DMXL1: variants seen among roughly 807,000 people sequenced by gnomAD.
The protein encoded by DMXL1 is dmX-like protein 1.
In DMXL1, 99 loss-of-function variants were observed where a neutral mutation model predicts 319.2. The observed-to-expected ratio is 0.31, with a 90% CI of 0.26 to 0.37. The LOEUF (loss-of-function observed/expected upper bound fraction) is 0.37, where lower values mean the gene tolerates loss of function less well. DMXL1 is among the 10% of genes least tolerant of loss of function. The probability of loss-of-function intolerance (pLI) is 1.00; values close to 1 mark genes in which losing one functional copy is unlikely to be tolerated. For missense variants in DMXL1, 3,745 were observed against 3,595.6 expected, an observed-to-expected ratio of 1.04 and a Z score of -1.06; for synonymous variants, 1,385 against 1,235.2, an observed-to-expected ratio of 1.12 and a Z score of -2.54.
At chr5:119,077,787 G>A (rs12658002) in intron 1 of DMXL1, among the ~76,000 whole-genome samples, 40,784 of 136,594 alleles carry the variant, frequency 0.3, 8,083 homozygotes, top group East Asian at 0.91. Context: ...GTGTGTGTGT[G>A]TATATCTGTA....
chr5:119,231,301 G>A (rs1274778939), intron 38 of DMXL1, among the ~76,000 whole-genome samples: 2 of 152,168 alleles, frequency 1.3e-5, no homozygotes, highest in East Asian at 3.9e-4. Context: ...AGTTGGAGGA[G>A]TTTTTGAATT....
At chr5:119,179,860 A>G (rs1776486931) in intron 28 of DMXL1, among the ~76,000 whole-genome samples, 1 of 152,174 alleles carries the variant, frequency 6.6e-6, no homozygotes, top group African/African-American at 2.4e-5. Flanking sequence ...TTCTTTATGT[A>G]TAATACTTAC....
intron 5 of DMXL1, among the ~76,000 whole-genome samples, chr5:119,111,209 A>G (rs1271038751): frequency 8.2e-6 from 1 of 121,850 alleles, no homozygotes; most frequent in Non-Finnish European, 1.8e-5. Context: ...ATAAAATGAA[A>G]CAAAAATATT....
At chr5:119,214,580 A>G (rs1783358479) in intron 34 of DMXL1, among the ~76,000 whole-genome samples, 1 of 152,122 alleles carries the variant, frequency 6.6e-6, no homozygotes, top group Non-Finnish European at 1.5e-5. Context: ...GGTCATTCAC[A>G]AATTTAATTT....
chr5:119,124,425 C>G (rs773588293), intron 9 of DMXL1, among the ~76,000 whole-genome samples: 17 of 151,988 alleles, frequency 1.1e-4, no homozygotes, highest in Non-Finnish European at 2.2e-4. Context: ...CAACTTCAGT[C>G]TTAATGCTAA....
chr5:119,099,419 A>G (rs538830324), intron 2 of DMXL1, among the ~76,000 whole-genome samples: 1 of 152,036 alleles, frequency 6.6e-6, no homozygotes, highest in African/African-American at 2.4e-5. Flanking sequence ...TCATGTTGGT[A>G]AGTCTGGTTT....
At chr5:119,201,517 C>T (rs1780705231) in intron 32 of DMXL1, among the ~76,000 whole-genome samples, 1 of 151,894 alleles carries the variant, frequency 6.6e-6, no homozygotes, top group Non-Finnish European at 1.5e-5. Context: ...AGGATATTGG[C>T]TTGAAGTTTT....
chr5:119,195,031 G>A (rs1397749081), intron 30 of DMXL1, among the ~76,000 whole-genome samples: 2 of 150,872 alleles, frequency 1.3e-5, no homozygotes, highest in African/African-American at 2.4e-5. Context: ...TTCCCAATGA[G>A]ACAACATCTC....
intron 6 of DMXL1, among the ~76,000 whole-genome samples, chr5:119,115,564 TA>T (rs1196188794): frequency 6.6e-6 from 1 of 152,182 alleles, no homozygotes. Flanking sequence ...TTGAGCTGTT[TA>T]TTCTGATTGA....
At chr5:119,177,739 C>T (rs753183609) in intron 27 of DMXL1, among the ~76,000 whole-genome samples, 11 of 151,782 alleles carry the variant, frequency 7.2e-5, no homozygotes, top group African/African-American at 1.2e-4. Flanking sequence ...TAGAAAAACC[C>T]GTCTATGAAA....
In DMXL1 at chr5:119,166,823, C is replaced by G. The variant is rs780351910; in HGVS notation, c.5136+42C>G. The G allele has an allele frequency of 2.7e-6, 4 of 1,504,662 alleles. No individual in the cohort carries two copies. The African/African-American group carries it at 4.3e-5, about 16-fold the overall frequency. The allele number at this position is 1,504,662 out of a possible 1,614,324, so 93.2% of individuals were successfully genotyped here. ...AAATAACAAAGTATAGCAATGTCAT[C>G]TTTTAAAGCTCCTTAGTGCTTAAAT... is the stretch of plus-strand genomic sequence containing the variant. On this transcript the variant is annotated intron_variant, in intron 22 of 43. Transcript: ENST00000539542.
chr5:119,088,373 A>G (rs543048328), intron 1 of DMXL1, among the ~76,000 whole-genome samples: 38 of 152,286 alleles, frequency 2.5e-4, no homozygotes, highest in Admixed American at 2.0e-3. Flanking sequence ...TGGGCAGTAT[A>G]GAGTTGGTTC....
At chr5:119,235,924 C>G (rs1017945244) in intron 39 of DMXL1, among the ~76,000 whole-genome samples, 14 of 151,782 alleles carry the variant, frequency 9.2e-5, no homozygotes, top group Admixed American at 5.9e-4. Flanking sequence ...TGTGTATACC[C>G]TTTCTGAAGA....
chr5:119,198,602 C>T (rs1434395429), intron 32 of DMXL1, among the ~76,000 whole-genome samples: 1 of 152,158 alleles, frequency 6.6e-6, no homozygotes, highest in African/African-American at 2.4e-5. Context: ...AAATTACCAA[C>T]ATCATTCTTA....
intron 8 of DMXL1, among the ~76,000 whole-genome samples, chr5:119,119,699 A>G (rs1761613253): frequency 6.6e-6 from 1 of 151,256 alleles, no homozygotes; most frequent in African/African-American, 2.4e-5. Flanking sequence ...TAGTAGGGAG[A>G]GGGCTTTACC....
In DMXL1 at chr5:119,098,117, C is replaced by A; in HGVS notation, c.213+13C>A. On this transcript the variant is annotated intron_variant, in intron 2 of 43. Transcript: ENST00000539542. The stretch of plus-strand genomic sequence containing the variant: ...GCAACAAGGCAAGGTTTGTAATCTT[C>A]TTCTAATATACAAATTTGTTTGGAA... The A allele has an allele frequency of 6.3e-7, 1 of 1,595,176 alleles. No individual in the cohort carries two copies. Among genetic ancestry groups the A allele is most frequent in the Non-Finnish European group, 8.5e-7 (1 of 1,175,156 alleles).
chr5:119,191,017 G>A (rs1445181631), intron 29 of DMXL1, among the ~76,000 whole-genome samples: 2 of 152,052 alleles, frequency 1.3e-5, no homozygotes, highest in Admixed American at 1.3e-4. Context: ...TATTCCTAAT[G>A]TTTTAATTAC....
At chr5:119,127,901 C>A in intron 9 of DMXL1, 1 of 358,898 alleles carries the variant, frequency 2.8e-6, no homozygotes, top group South Asian at 2.5e-5. Context: ...GAATGATATT[C>A]ACTTTTTCAA....
At chr5:119,180,787 G>A (rs1333117198) in intron 28 of DMXL1, among the ~76,000 whole-genome samples, 2 of 151,978 alleles carry the variant, frequency 1.3e-5, no homozygotes, top group African/African-American at 4.8e-5. Flanking sequence ...CCATAGCTCT[G>A]TTGAGTTTAA....
Sources: allele counts gnomAD v4.1 joint callset (sites outside exome capture counted in the v4.1 genomes callset), GRCh38; gene constraint gnomAD v4.1.1; transcripts MANE v1.5; gene names NCBI Gene and HGNC (gene_info 2026-07-23, HGNC 2026-07-21).